Variants in CLYBL observed in about 807,000 individuals in gnomAD.
CLYBL encodes the protein citramalyl-CoA lyase, also known as citramalyl-CoA lyase, mitochondrial.
In CLYBL, 31 loss-of-function variants were observed where a neutral mutation model predicts 38.9. That is an observed-to-expected ratio of 0.80 (90% CI 0.60 to 1.08). CLYBL has a LOEUF of 1.08. Among genes scored for constraint, CLYBL ranks in the 50% least tolerant of loss-of-function variants. The probability of loss-of-function intolerance (pLI) is 0.00; values close to 1 mark genes in which losing one functional copy is unlikely to be tolerated. For missense variants in CLYBL, 434 were observed against 411.6 expected, an observed-to-expected ratio of 1.05 and a Z score of -0.47; for synonymous variants, 171 against 158.6, an observed-to-expected ratio of 1.08 and a Z score of -0.59.
At chr13:99,855,607 AAG>A (rs1288482348) in intron 2 of CLYBL, among the ~76,000 whole-genome samples, 1 of 152,104 alleles carries the variant, frequency 6.6e-6, no homozygotes, top group African/African-American at 2.4e-5. Context: ...GAGAGGGAAA[AAG>A]AGAATAAAAT....
chr13:99,625,257 G>A (rs1255690753), intron 1 of CLYBL, among the ~76,000 whole-genome samples: 1 of 152,242 alleles, frequency 6.6e-6, no homozygotes, highest in East Asian at 1.9e-4. Flanking sequence ...GCTAACTGGC[G>A]TGGCTCTCAG....
At chr13:99,725,512 C>T (rs1014548513) in intron 1 of CLYBL, among the ~76,000 whole-genome samples, 1 of 152,092 alleles carries the variant, frequency 6.6e-6, no homozygotes, top group African/African-American at 2.4e-5. Context: ...TATTGACCAG[C>T]TTTCTTGTTT....
intron 1 of CLYBL, among the ~76,000 whole-genome samples, chr13:99,769,109 T>C (rs752602516): frequency 6.6e-6 from 1 of 152,132 alleles, no homozygotes; most frequent in African/African-American, 2.4e-5. Context: ...ATCCTTGATA[T>C]TTGGAGGGTC....
chr13:99,725,061 C>T (rs961665585), intron 1 of CLYBL, among the ~76,000 whole-genome samples: 2 of 152,170 alleles, frequency 1.3e-5, no homozygotes, highest in Non-Finnish European at 2.9e-5. Flanking sequence ...CTTGATGCGT[C>T]CTGCTGAGTA....
chr13:99,860,966 G>T (rs1019426807), intron 3 of CLYBL, among the ~76,000 whole-genome samples: 1 of 152,128 alleles, frequency 6.6e-6, no homozygotes, highest in South Asian at 2.1e-4. Context: ...CACAAATCCC[G>T]AACAGTGTGC....
At position 99,839,020 on chromosome 13, in the gene CLYBL, A is replaced by G. The variant is rs9300568; in HGVS notation, c.250-19841A>G. The stretch of plus-strand genomic sequence containing the variant: ...GTTAGATTTGAGAAGACTACCCTAA[A>G]GACCATATTGTTAAGCATATTGAGC... On this transcript the variant is annotated intron_variant, in intron 2 of 8. Transcript: ENST00000339105. Among the ~76,000 whole-genome samples, 1,058 of 152,366 alleles carry G rather than the reference A, an allele frequency of 6.9e-3. 15 individuals are homozygous for G. The highest frequency in any genetic ancestry group is 0.024 in the African/African-American group (1,002 of 41,572).
chr13:99,684,366 C>T (rs188564067), intron 1 of CLYBL, among the ~76,000 whole-genome samples: 3 of 151,896 alleles, frequency 2.0e-5, no homozygotes, highest in African/African-American at 4.8e-5. Context: ...TTTTAGCCAC[C>T]GGGCCCGGCC....
chr13:99,631,112 A>G (rs1469325748), intron 1 of CLYBL, among the ~76,000 whole-genome samples: 1 of 152,194 alleles, frequency 6.6e-6, no homozygotes, highest in Admixed American at 6.5e-5. Flanking sequence ...ACTTGAGCTC[A>G]GGAGTTCGAG....
intron 2 of CLYBL, among the ~76,000 whole-genome samples, chr13:99,831,936 A>G (rs1050877747): frequency 9.2e-5 from 14 of 152,178 alleles, no homozygotes; most frequent in African/African-American, 1.4e-4. Flanking sequence ...ACAGTTCACT[A>G]TCTGGTCTTT....
intron 8 of CLYBL, among the ~76,000 whole-genome samples, chr13:99,903,237 G>A (rs2052660516): frequency 6.6e-6 from 1 of 152,218 alleles, no homozygotes; most frequent in African/African-American, 2.4e-5. Flanking sequence ...GGCAGACATT[G>A]CCATGAAATC....
intron 1 of CLYBL, among the ~76,000 whole-genome samples, chr13:99,711,403 CTTTTT>C (rs71215540): frequency 2.4e-5 from 2 of 83,190 alleles, no homozygotes; most frequent in Non-Finnish European, 4.3e-5. Flanking sequence ...GGGAGTCCGT[CTTTTT>C]TTTTTTTTTT....
chr13:99,806,063 T>G (rs182972120), intron 2 of CLYBL, among the ~76,000 whole-genome samples: 3 of 152,356 alleles, frequency 2.0e-5, no homozygotes, highest in Admixed American at 2.0e-4. Context: ...TAACAAGATT[T>G]TATAATTTTA....
In CLYBL at chr13:99,644,220, T is replaced by C. The variant is rs1234832927; in HGVS notation, c.62+37463T>C. Among the ~76,000 whole-genome samples, 163 of 152,088 alleles carry C rather than the reference T, an allele frequency of 1.1e-3. 1 individual carries two copies. The highest frequency in any genetic ancestry group is 3.7e-3 in the African/African-American group (154 of 41,462). The stretch of plus-strand genomic sequence containing the variant: ...ATGTGGTGTATGTGTATATGTGGTG[T>C]ATGTATATGTGGTGTATGTATGTAT... On this transcript the variant is annotated intron_variant, in intron 1 of 8. Coordinates refer to ENST00000339105, the MANE Select transcript of CLYBL (RefSeq NM_206808.5).
intron 8 of CLYBL, among the ~76,000 whole-genome samples, chr13:99,904,893 T>A (rs1440686414): frequency 6.6e-6 from 1 of 152,188 alleles, no homozygotes; most frequent in Non-Finnish European, 1.5e-5. Flanking sequence ...GCAGCCTCCC[T>A]CTTGTAAGAA....
At chr13:99,719,345 T>A (rs559116410) in intron 1 of CLYBL, among the ~76,000 whole-genome samples, 2 of 150,616 alleles carry the variant, frequency 1.3e-5, no homozygotes, top group Non-Finnish European at 3.0e-5. Context: ...TGAGATGGAG[T>A]CTTGCTGTGT....
At chr13:99,716,199 TTTTTTTTTA>T (rs2048310780) in intron 1 of CLYBL, among the ~76,000 whole-genome samples, 1 of 114,934 alleles carries the variant, frequency 8.7e-6, no homozygotes, top group Non-Finnish European at 1.8e-5. Flanking sequence ...TTTTTTTTTT[TTTTTTTTTA>T]GAGACAAGGT....
intron 1 of CLYBL, among the ~76,000 whole-genome samples, chr13:99,708,134 A>T (rs2048174001): frequency 6.6e-6 from 1 of 152,092 alleles, no homozygotes; most frequent in African/African-American, 2.4e-5. Flanking sequence ...GCCCACTACC[A>T]CACCCGGCTA....
At chr13:99,863,213 A>G in intron 4 of CLYBL, 121 bp downstream of exon 4, 1 of 533,996 alleles carries the variant, frequency 1.9e-6, no homozygotes, top group South Asian at 3.0e-5. Flanking sequence ...AAGCAAAGGA[A>G]ATGTTGAGCA....
chr13:99,696,882 T>C (rs1009283647), intron 1 of CLYBL, among the ~76,000 whole-genome samples: 1 of 152,228 alleles, frequency 6.6e-6, no homozygotes, highest in Non-Finnish European at 1.5e-5. Flanking sequence ...GAAATATCTG[T>C]AGACAGTTTA....
Sources: gnomAD v4.1 joint callset for allele counts (sites outside exome capture counted in the v4.1 genomes callset) on GRCh38, gnomAD v4.1.1 for gene constraint, MANE v1.5 for transcripts, NCBI Gene and HGNC (gene_info 2026-07-23, HGNC 2026-07-21) for gene names.